Variants in ANPEP observed in about 807,000 individuals in gnomAD.
ANPEP encodes aminopeptidase N.
In ANPEP, 70 loss-of-function variants were observed where a neutral mutation model predicts 114.6. The observed-to-expected ratio is 0.61, with a 90% CI of 0.50 to 0.75. ANPEP has a LOEUF of 0.75. Among genes scored for constraint, ANPEP ranks in the 30% least tolerant of loss-of-function variants. ANPEP has a pLI of 0.00. For missense variants in ANPEP, 1,184 were observed against 1,259.5 expected (o/e 0.94, Z 0.91); for synonymous variants, 548 against 522.3 (o/e 1.05, Z -0.67).
At chr15:89,793,702 CA>C (rs56906048) in intron 15 of ANPEP, among the ~76,000 whole-genome samples, 5,036 of 79,018 alleles carry the variant, frequency 0.064, 185 homozygotes, top group African/African-American at 0.19. Context: ...GACTCCATCT[CA>C]AAAAAAAAAA....
At chr15:89,791,672 C>T (rs970793290) in intron 18 of ANPEP, among the ~76,000 whole-genome samples, 26 of 149,984 alleles carry the variant, frequency 1.7e-4, no homozygotes, top group Middle Eastern at 3.5e-3. Flanking sequence ...AGGCTGGTCT[C>T]GAACTCCTGA....
In ANPEP at chr15:89,790,360, G is replaced by C. The variant is rs967284426; in HGVS notation, c.2751+100C>G. 31 of 1,066,984 alleles carry C rather than the reference G, an allele frequency of 2.9e-5. No homozygotes were observed. The African/African-American group carries it at 4.2e-4, about 15-fold the overall frequency. 66.1% of individuals were successfully genotyped at this position (1,066,984 alleles called of 1,614,324 possible). ...TAAATGAGGAAGGCCTGGCGGCGTG[G>C]AGCCTGTGCTCCCTCAGGGCCACGT... On this transcript the variant is annotated intron_variant, in intron 20 of 20. Coordinates refer to ENST00000300060, the MANE Select transcript of ANPEP (RefSeq NM_001150.3).
chr15:89,799,186 G>A lies in ANPEP; in HGVS notation c.2009+74C>T, dbSNP rs952402895. On this transcript the variant is annotated intron_variant, in intron 14 of 20. Coordinates refer to ENST00000300060, the MANE Select transcript of ANPEP (RefSeq NM_001150.3). The surrounding 1 kb of genome is among the most constrained non-coding windows in gnomAD (Gnocchi z 4.2). ...TATGGGAAGGGCAGCAGGAGGAGCA[G>A]GGGCCCTCATTGTGGACTCAGACTT... 1.9e-6 allele frequency: 3 copies of A among 1,557,102 alleles called. No homozygotes were observed. The African/African-American group carries it at 4.1e-5, about 21-fold the overall frequency.
At position 89,792,290 on chromosome 15, in the gene ANPEP, C is replaced by G. The variant is rs201569062; in HGVS notation, c.2398G>C (p.Ala800Pro). ...PNLRSTVYCNAIAQGGEEEWD... is the reference protein window; with the variant it reads ...PNLRSTVYCNPIAQGGEEEWD... ...TCCTCCTCCCCGCCCTGGGCGATAG[C>G]GTTGCAGTAGACGGTGGACCGCAGG... is the stretch of plus-strand genomic sequence containing the variant. The change falls in exon 18 of 21, where the codon GCT (alanine) becomes CCT (proline). Residue 800 changes from alanine (A) to proline (P), a missense_variant. Coordinates refer to ENST00000300060, the MANE Select transcript of ANPEP (RefSeq NM_001150.3). 1 of 1,614,194 alleles carries G rather than the reference C, an allele frequency of 6.2e-7. No individual in the cohort carries two copies. Among genetic ancestry groups the G allele is most frequent in the Non-Finnish European group, 8.5e-7 (1 of 1,180,034 alleles).
At chr15:89,790,803 T>G (rs1170162501) in intron 19 of ANPEP, 150 bp downstream of exon 19, 1 of 1,066,830 alleles carries the variant, frequency 9.4e-7, no homozygotes, top group Non-Finnish European at 1.3e-6. Flanking sequence ...CCAGCTTGTC[T>G]TTCCATTCCT....
chr15:89,813,746 G>T (rs1894855699), intron 1 of ANPEP, among the ~76,000 whole-genome samples: 1 of 152,154 alleles, frequency 6.6e-6, no homozygotes, highest in South Asian at 2.1e-4. Flanking sequence ...TACCCTGAGG[G>T]GCCCTCTGGT....
chr15:89,805,498 G>A, intron 2 of ANPEP, 35 bp from the exon 3 acceptor site: 4 of 1,611,548 alleles, frequency 2.5e-6, no homozygotes, highest in Non-Finnish European at 3.4e-6. Context: ...GTGTGCCAGA[G>A]CTGGGGGTGT....
chr15:89,804,216 T>C (rs761718547), intron 6 of ANPEP, 37 bp downstream of exon 6: 7 of 1,605,146 alleles, frequency 4.4e-6, no homozygotes, highest in African/African-American at 4.2e-5. Flanking sequence ...TCGGAGCCCC[T>C]GTTTCCTTCT....
Position 89,797,626 on chromosome 15 carries a change from C to T in ANPEP, c.2106G>A (p.Leu702=). The T allele has an allele frequency of 6.2e-7, 1 of 1,614,184 alleles. No individual in the cohort carries two copies. Among genetic ancestry groups the T allele is most frequent in the Non-Finnish European group, 8.5e-7 (1 of 1,180,032 alleles). The change falls in exon 15 of 21, where the codon CTG becomes CTA. Residue 702 remains leucine, a synonymous_variant. Coordinates refer to ENST00000300060, the MANE Select transcript of ANPEP (RefSeq NM_001150.3). ...GGTCAAACATGAGCTTGAAGTAGCT[C>T]AGGCTGCTCAGGGCGGCCTCCCAGG... ...YMPWEAALSS[L]SYFKLMFDRS...
rs1263215370 is a variant in ANPEP at position 89,805,464 on chromosome 15, C to G, written c.615-1G>C. 1 of 1,613,870 alleles carries G rather than the reference C, an allele frequency of 6.2e-7. No individual in the cohort carries two copies. Among genetic ancestry groups the G allele is most frequent in the African/African-American group, 1.3e-5 (1 of 74,934 alleles). ...CTGCATCTGTGTAGTGGCCACCACC[C>G]TGCCCCAACAGGAAGGTTAGAGGGT... is the stretch of plus-strand genomic sequence containing the variant. On this transcript the variant is annotated splice_acceptor_variant, in intron 2 of 20. Transcript: ENST00000300060. LOFTEE classifies it high-confidence loss of function.
At chr15:89,790,624 T>A (rs1417469325) in intron 19 of ANPEP, 83 bp from the exon 20 acceptor site, 1 of 1,254,600 alleles carries the variant, frequency 8.0e-7, no homozygotes, top group Admixed American at 1.8e-5. Flanking sequence ...TAGGGAGCCA[T>A]GATTATAGAG....
chr15:89,806,913 G>A lies in ANPEP; in HGVS notation c.-223-107C>T, dbSNP rs1200889069. 3 of 305,728 alleles carry A rather than the reference G, an allele frequency of 9.8e-6. No homozygotes were observed. Among genetic ancestry groups the A allele is most frequent in the African/African-American group, 2.1e-5 (1 of 47,542 alleles). The allele number at this position is 305,728 out of a possible 1,614,324, so 18.9% of individuals were successfully genotyped here. A position where few individuals can be genotyped will look rare whatever the true frequency, so the allele number is the denominator to read the frequency against. On this transcript the variant is annotated intron_variant, in intron 1 of 20. Transcript: ENST00000300060. The surrounding 1 kb of genome is among the most constrained non-coding windows in gnomAD (Gnocchi z 5.7). The stretch of plus-strand genomic sequence containing the variant: ...TGTAGGCCCAGTGGGCAAAGCAAGC[G>A]GCCAGGTGGCATTGCATTGATCTGC...
intron 14 of ANPEP, among the ~76,000 whole-genome samples, chr15:89,798,708 G>A (rs984922915): frequency 5.3e-5 from 8 of 151,088 alleles, no homozygotes; most frequent in Admixed American, 2.0e-4. Flanking sequence ...TTGGGAAGCC[G>A]AGGTGGGTGG....
chr15:89,798,394 T>A (rs1968769830), intron 14 of ANPEP, among the ~76,000 whole-genome samples: 1 of 152,110 alleles, frequency 6.6e-6, no homozygotes, highest in Admixed American at 6.5e-5. Context: ...CCCAGCTCTT[T>A]GGGATGGCAA....
chr15:89,810,474 G>A (rs954878972), intron 1 of ANPEP, among the ~76,000 whole-genome samples: 1 of 152,296 alleles, frequency 6.6e-6, no homozygotes, highest in Admixed American at 6.5e-5. Flanking sequence ...GGGGGGCTGA[G>A]GCGGAAGAAT....
At chr15:89,804,209 G>A (rs745876289) in intron 6 of ANPEP, 44 bp downstream of exon 6, 2 of 1,609,862 alleles carry the variant, frequency 1.2e-6, no homozygotes, top group Non-Finnish European at 1.7e-6. Context: ...TCTCCTCTCG[G>A]AGCCCCTGTT....
intron 6 of ANPEP, 33 bp from the exon 7 acceptor site, chr15:89,804,035 G>A (rs373503858): frequency 8.0e-5 from 129 of 1,606,642 alleles, no homozygotes; most frequent in Non-Finnish European, 1.0e-4. Context: ...GGCAAGCCAC[G>A]CCCAGGCTGG....
chr15:89,806,289 C>T lies in ANPEP; in HGVS notation c.295G>A (p.Gly99Ser). Residue 99 changes from glycine to serine, a missense_variant, in exon 2 of 21, where the codon GGC becomes AGC. By Grantham distance (56) the Gly-to-Ser change is moderately conservative. Coordinates refer to ENST00000300060, the MANE Select transcript of ANPEP (RefSeq NM_001150.3). This position sits in a 1 kb window ranked among gnomAD's most constrained non-coding sequence, Gnocchi z 5.7. ...LRPYLTPNDRGLYVFKGSSTV... is the reference protein window; with the variant it reads ...LRPYLTPNDRSLYVFKGSSTV... ...CTGGAGCCCTTAAAAACGTACAGGC[C>T]CCTGTCATTGGGGGTGAGGTACGGT... 1.2e-6 allele frequency: 2 copies of T among 1,614,160 alleles called. No individual in the cohort carries two copies. Among genetic ancestry groups the T allele is most frequent in the African/African-American group, 1.3e-5 (1 of 75,020 alleles).
chr15:89,812,941 G>A (rs574029555), intron 1 of ANPEP, among the ~76,000 whole-genome samples: 102 of 152,244 alleles, frequency 6.7e-4, no homozygotes, highest in African/African-American at 2.3e-3. Context: ...GGAGCTGGGG[G>A]TAGTTCTCAG....
Sources: gnomAD v4.1 joint callset for allele counts (sites outside exome capture counted in the v4.1 genomes callset) on GRCh38, gnomAD v4.1.1 for gene constraint, Gnocchi (gnomAD v3.1) non-coding constraint, MANE v1.5 for transcripts, NCBI Gene and HGNC (gene_info 2026-07-23, HGNC 2026-07-21) for gene names.